The following HK1 variants were observed in gnomAD, a reference collection of about 807,000 sequenced individuals.
The protein encoded by HK1 is hexokinase 1.
A neutral mutation model predicts 91.6 loss-of-function variants in HK1; 28 were observed. The observed-to-expected ratio is 0.31, with a 90% confidence interval of 0.23 to 0.42. The LOEUF is 0.42. Among genes scored for constraint, HK1 ranks in the 10% least tolerant of loss-of-function variants. The pLI is 1.00. For synonymous variants in HK1, 430 were observed against 468.1 expected (o/e 0.92, Z 1.05); for missense variants, 770 against 1,219.8 (o/e 0.63, Z 5.49).
At chr10:69,276,116 A>C (rs370496081) in intron 1 of HK1, among the ~76,000 whole-genome samples, 1 of 42,558 alleles carries the variant, frequency 2.3e-5, no homozygotes, top group Non-Finnish European at 4.9e-5. Flanking sequence ...AAAAAAAAAA[A>C]AAATACATAT....
At chr10:69,325,346 C>T (rs980674560) in intron 1 of HK1, among the ~76,000 whole-genome samples, 43 of 150,288 alleles carry the variant, frequency 2.9e-4, no homozygotes, top group Non-Finnish European at 4.9e-4. Context: ...CCACCACACC[C>T]GGCCATGTAT....
intron 1 of HK1, among the ~76,000 whole-genome samples, chr10:69,333,884 G>T (rs911736279): frequency 2.0e-5 from 3 of 152,072 alleles, no homozygotes; most frequent in African/African-American, 7.2e-5. Flanking sequence ...AGGCCGAGGT[G>T]GGCAGATCAC....
chr10:69,379,471 G>A (rs561019831), intron 8 of HK1, among the ~76,000 whole-genome samples: 1 of 152,292 alleles, frequency 6.6e-6, no homozygotes, highest in African/African-American at 2.4e-5. Flanking sequence ...ATTTCACTGA[G>A]AGACATCAAG....
chr10:69,280,799 A>C (rs992184664), intron 1 of HK1, among the ~76,000 whole-genome samples: 1 of 152,226 alleles, frequency 6.6e-6, no homozygotes, highest in Non-Finnish European at 1.5e-5. Context: ...AGCCAATGGT[A>C]ATTTGTTGTA....
Position 69,321,257 on chromosome 10 carries a change from C to A in HK1, c.63+2247C>A, listed in dbSNP as rs535006913. On this transcript the variant is annotated intron_variant, in intron 1 of 17. Coordinates refer to ENST00000359426, the MANE Select transcript of HK1 (RefSeq NM_000188.3). ...TTGCGCCACCGCACTCCAGCCTGGG[C>A]CTTCTAAGGACAGTGACATAGTGGG... is the stretch of plus-strand genomic sequence containing the variant. Among the ~76,000 whole-genome samples, 10 of 152,294 alleles carry A rather than the reference C, an allele frequency of 6.6e-5. No homozygotes were observed. The South Asian group carries it at 2.1e-3, about 32-fold the overall frequency.
chr10:69,317,807 T>C (rs1247447221), upstream of HK1, among the ~76,000 whole-genome samples: 1 of 152,220 alleles, frequency 6.6e-6, no homozygotes, highest in Non-Finnish European at 1.5e-5. Flanking sequence ...GTTTGTATAT[T>C]TGAGCTCATT....
rs147974428 is a variant in HK1 at position 69,383,069 on chromosome 10, GAC to G, written c.1570+283_1570+284del. 2.3e-3 allele frequency among the ~76,000 whole-genome samples: 355 copies of G among 152,292 alleles called. 4 individuals carry two copies. The highest frequency in any genetic ancestry group is 0.019 in the East Asian group (99 of 5,184). On this transcript the variant is annotated intron_variant, in intron 10 of 17. Coordinates refer to ENST00000359426, the MANE Select transcript of HK1 (RefSeq NM_000188.3). ...AACAGTGCTCTTAGCTGGGCAAGGT[GAC>G]ACACGCCTGTCATCCAGCTACTTAA...
At chr10:69,299,866 T>C (rs1241646081) in intron 4 of HK1, among the ~76,000 whole-genome samples, 2 of 151,650 alleles carry the variant, frequency 1.3e-5, no homozygotes, top group African/African-American at 4.9e-5. Context: ...TTTACCATGT[T>C]GGCCAGGCTG....
At chr10:69,281,514 G>A (rs1589433057) in intron 1 of HK1, among the ~76,000 whole-genome samples, 2 of 152,316 alleles carry the variant, frequency 1.3e-5, no homozygotes, top group East Asian at 3.9e-4. Context: ...TTAGACCAAT[G>A]TGTCCCAGAT....
chr10:69,395,789 G>A (rs1840108008), intron 16 of HK1, among the ~76,000 whole-genome samples: 2 of 152,146 alleles, frequency 1.3e-5, no homozygotes, highest in African/African-American at 4.8e-5. Context: ...AGGCCACCCA[G>A]GAGCTGATGC....
intron 3 of HK1, among the ~76,000 whole-genome samples, chr10:69,363,285 C>T (rs1849530418): frequency 6.6e-6 from 1 of 152,182 alleles, no homozygotes; most frequent in African/African-American, 2.4e-5. Context: ...TATATACGCT[C>T]AGGTTGGATT....
chr10:69,355,664 C>G (rs142602590), intron 2 of HK1, among the ~76,000 whole-genome samples: 1 of 152,046 alleles, frequency 6.6e-6, no homozygotes, highest in Non-Finnish European at 1.5e-5. Flanking sequence ...TGGTGGCACA[C>G]GCCTGTAATC....
At chr10:69,351,828 G>T (rs1848891155) in intron 2 of HK1, among the ~76,000 whole-genome samples, 1 of 152,178 alleles carries the variant, frequency 6.6e-6, no homozygotes. Context: ...ACTTCATAGG[G>T]TTGTGAAGAT....
intron 2 of HK1, among the ~76,000 whole-genome samples, chr10:69,285,633 T>G (rs1261689605): frequency 1.3e-5 from 2 of 152,144 alleles, no homozygotes; most frequent in African/African-American, 2.4e-5. Context: ...GGGCAATACT[T>G]GGCTTACACA....
chr10:69,362,434 G>GTTT (rs34834335), intron 3 of HK1, among the ~76,000 whole-genome samples: 5 of 135,470 alleles, frequency 3.7e-5, no homozygotes, highest in African/African-American at 1.3e-4. Context: ...AGAAAATAAT[G>GTTT]TTTTTTTTTT....
At position 69,338,688 on chromosome 10, in the gene HK1, T is replaced by A. The variant is rs192109309; in HGVS notation, c.64-5139T>A. ...AGGATTATGGAGATGTGAGTGTGTG[T>A]GTGTGTGTGTGTGTGTGTGTGTAAG... On this transcript the variant is annotated intron_variant, in intron 1 of 17. Coordinates refer to ENST00000359426, the MANE Select transcript of HK1 (RefSeq NM_000188.3). The A allele has an allele frequency of 4.6e-4, 303 of 662,940 alleles. No homozygotes were observed. The African/African-American group carries it at 9.2e-3, about 20-fold the overall frequency. The allele number at this position is 662,940 out of a possible 1,614,324, so 41.1% of individuals were successfully genotyped here.
At chr10:69,364,650 G>C in intron 3 of HK1, 133 bp from the exon 4 acceptor site, 1 of 1,136,656 alleles carries the variant, frequency 8.8e-7, no homozygotes, top group South Asian at 1.3e-5. Flanking sequence ...GGGCCACCAG[G>C]TCCCAGGAGT....
At chr10:69,351,803 A>G (rs1420936027) in intron 2 of HK1, among the ~76,000 whole-genome samples, 1 of 152,184 alleles carries the variant, frequency 6.6e-6, no homozygotes, top group Non-Finnish European at 1.5e-5. Context: ...TAGAATGGGC[A>G]TCCTGACAGT....
intron 14 of HK1, among the ~76,000 whole-genome samples, chr10:69,390,035 G>A (rs1839825566): frequency 6.6e-6 from 1 of 152,220 alleles, no homozygotes; most frequent in Non-Finnish European, 1.5e-5. Flanking sequence ...CCTGGTGAGT[G>A]AGCAGTGGCA....
Sources: gnomAD v4.1 joint callset for allele counts (sites outside exome capture counted in the v4.1 genomes callset) on GRCh38, gnomAD v4.1.1 for gene constraint, MANE v1.5 for transcripts, NCBI Gene and HGNC (gene_info 2026-07-23, HGNC 2026-07-21) for gene names.